Variants in SLC25A26 observed in about 807,000 individuals in gnomAD.
SLC25A26 encodes the protein mitochondrial S-adenosylmethionine carrier protein.
A neutral mutation model predicts 37.8 loss-of-function variants in SLC25A26; 36 were observed. The observed-to-expected ratio is 0.95, with a 90% CI of 0.73 to 1.26. The LOEUF is 1.26. SLC25A26 is among the 50% of genes most tolerant of loss of function. The probability of loss-of-function intolerance (pLI) is 0.00; values close to 1 mark genes in which losing one functional copy is unlikely to be tolerated. For missense variants in SLC25A26, 390 were observed against 331.1 expected (o/e 1.18, Z -1.38); for synonymous variants, 129 against 122.5 (o/e 1.05, Z -0.35).
At chr3:66,167,241 A>T (rs780506611) in intron 1 of SLC25A26, among the ~76,000 whole-genome samples, 9 of 152,030 alleles carry the variant, frequency 5.9e-5, no homozygotes, top group African/African-American at 1.7e-4. Flanking sequence ...AAGTAGGGCC[A>T]CTTAGACTTT....
intron 2 of SLC25A26, among the ~76,000 whole-genome samples, chr3:66,241,137 A>G (rs1050868144): frequency 2.0e-5 from 3 of 146,992 alleles, no homozygotes; most frequent in South Asian, 4.2e-4. Flanking sequence ...TTTTTCCAGT[A>G]TATTTATTGA....
At position 66,378,437 on chromosome 3, in the gene SLC25A26, G is replaced by A. The variant is rs1238748300; in HGVS notation, c.*630G>A. On this transcript the variant is annotated 3_prime_UTR_variant, in exon 10 of 10. Coordinates refer to ENST00000354883, the MANE Select transcript of SLC25A26 (RefSeq NM_001379210.1). ...ATGTGTCCAGCGCCCCCTGTGGTGT[G>A]TGAGAGAAAGCAGCTGCAACTCAAG... 5 of 152,726 alleles carry A rather than the reference G, an allele frequency of 3.3e-5. No individual in the cohort carries two copies. The highest frequency in any genetic ancestry group is 1.2e-4 in the African/African-American group (5 of 41,474). The allele number at this position is 152,726 out of a possible 1,614,324, so 9.5% of individuals were successfully genotyped here. A position where few individuals can be genotyped will look rare whatever the true frequency, so the allele number is the denominator to read the frequency against.
chr3:66,342,107 AG>A (rs2107720215), intron 5 of SLC25A26, among the ~76,000 whole-genome samples: 1 of 152,294 alleles, frequency 6.6e-6, no homozygotes, highest in African/African-American at 2.4e-5. Context: ...TCATCATGCA[AG>A]AAAAAGGAGA....
intron 1 of SLC25A26, among the ~76,000 whole-genome samples, chr3:66,162,546 G>A (rs535769498): frequency 1.3e-5 from 2 of 152,256 alleles, no homozygotes; most frequent in South Asian, 4.1e-4. Flanking sequence ...GAGTCTAGAT[G>A]TGATGTAGAA....
At chr3:66,322,427 A>G (rs999737228) in intron 5 of SLC25A26, among the ~76,000 whole-genome samples, 1 of 152,188 alleles carries the variant, frequency 6.6e-6, no homozygotes, top group Admixed American at 6.5e-5. Flanking sequence ...TACAGTTTCA[A>G]TCTCATTACA....
chr3:66,273,399 C>T (rs889234937), intron 5 of SLC25A26, among the ~76,000 whole-genome samples: 4 of 152,010 alleles, frequency 2.6e-5, no homozygotes, highest in African/African-American at 7.2e-5. Flanking sequence ...TGGTAGAATT[C>T]GGCTGTGAAT....
At chr3:66,139,461 A>C (rs765065193) in intron 1 of SLC25A26, among the ~76,000 whole-genome samples, 1 of 152,064 alleles carries the variant, frequency 6.6e-6, no homozygotes, top group East Asian at 1.9e-4. Flanking sequence ...GCTCCCCCCT[A>C]TCAGGAGATA....
intron 3 of SLC25A26, 142 bp from the exon 4 acceptor site, chr3:66,261,909 T>TAAA: frequency 5.6e-6 from 3 of 537,034 alleles, no homozygotes; most frequent in Non-Finnish European, 9.9e-6. Flanking sequence ...AGTTTTAGGT[T>TAAA]AAAAAAAAAA....
At chr3:66,193,914 T>G (rs2070993420) in intron 1 of SLC25A26, among the ~76,000 whole-genome samples, 1 of 152,212 alleles carries the variant, frequency 6.6e-6, no homozygotes, top group Non-Finnish European at 1.5e-5. Flanking sequence ...AGTCTCTAAT[T>G]CAATTTAGGA....
chr3:66,220,224 G>A (rs1400717627), upstream of SLC25A26, among the ~76,000 whole-genome samples: 1 of 152,198 alleles, frequency 6.6e-6, no homozygotes, highest in Non-Finnish European at 1.5e-5. Flanking sequence ...GAGGACACTA[G>A]TGTTGCTGAC....
intron 6 of SLC25A26, among the ~76,000 whole-genome samples, chr3:66,350,807 C>CT (rs1200431895): frequency 6.6e-6 from 1 of 152,058 alleles, no homozygotes; most frequent in Non-Finnish European, 1.5e-5. Context: ...ATGTTCTCCC[C>CT]TTCTCTGTTC....
At chr3:66,249,336 C>T (rs1448043430) in intron 3 of SLC25A26, among the ~76,000 whole-genome samples, 2 of 152,200 alleles carry the variant, frequency 1.3e-5, no homozygotes, top group Non-Finnish European at 2.9e-5. Context: ...ACAGTCCATT[C>T]CAGGGTCTCC....
At chr3:66,245,945 C>T (rs911520841) in intron 3 of SLC25A26, among the ~76,000 whole-genome samples, 40 of 152,302 alleles carry the variant, frequency 2.6e-4, no homozygotes, top group South Asian at 2.1e-3. Context: ...GAAGCTCTTA[C>T]CCATTGCAGT....
chr3:66,261,402 TA>T (rs1429655811), intron 3 of SLC25A26, among the ~76,000 whole-genome samples: 1 of 152,172 alleles, frequency 6.6e-6, no homozygotes, highest in East Asian at 1.9e-4. Context: ...TAGGGTAAGG[TA>T]AAATCCTGGC....
chr3:66,334,189 C>G (rs1397022052), intron 5 of SLC25A26, among the ~76,000 whole-genome samples: 1 of 152,208 alleles, frequency 6.6e-6, no homozygotes, highest in African/African-American at 2.4e-5. Flanking sequence ...TGATACTTCC[C>G]TGTCTGTTGC....
intron 9 of SLC25A26, among the ~76,000 whole-genome samples, chr3:66,373,280 G>A (rs977468628): frequency 6.6e-5 from 10 of 152,152 alleles, no homozygotes; most frequent in Admixed American, 3.9e-4. Context: ...ACTAGAACAC[G>A]CTCCTGCTCA....
At chr3:66,246,700 C>T (rs2072858831) in intron 3 of SLC25A26, among the ~76,000 whole-genome samples, 1 of 152,008 alleles carries the variant, frequency 6.6e-6, no homozygotes, top group African/African-American at 2.4e-5. Context: ...TTCTGTGGTC[C>T]CTGAGCTGGT....
rs992739478 is a variant in SLC25A26, at chr3:66,232,917, G to A, written c.34-3627G>A. ...GAATGGGAAGTGGGGAAGACGACAGGTATGTCAGAAAGCAGAGGTGGCAGT... is the reference window on the plus strand; with the variant it reads ...GAATGGGAAGTGGGGAAGACGACAGATATGTCAGAAAGCAGAGGTGGCAGT... On this transcript the variant is annotated intron_variant, in intron 1 of 9. Transcript: ENST00000354883. Among the ~76,000 whole-genome samples the A allele has an allele frequency of 3.9e-5, 6 of 152,252 alleles. No homozygotes were observed. In the South Asian group the frequency reaches 8.3e-4, roughly 21 times the overall value.
chr3:66,369,513 GTGGCAAAGACAAGAATTACGC>G lies in SLC25A26; in HGVS notation c.613_633del (p.Thr205_Lys211del). 6.2e-7 allele frequency: 1 copy of G among 1,604,432 alleles called. No individual in the cohort carries two copies. The highest frequency in any genetic ancestry group is 8.5e-7 in the Non-Finnish European group (1 of 1,175,550). The stretch of plus-strand genomic sequence containing the variant: ...CGCTGCAGTCACCACCCCTCTAGAC[GTGGCAAAGACAAGAATTACGC>G]TGGCAAAGGTAAGTGGTGAAATAAT... On this transcript the variant is annotated inframe_deletion, in exon 8 of 10. Transcript: ENST00000354883.
Sources: gnomAD v4.1 joint callset for allele counts (sites outside exome capture counted in the v4.1 genomes callset) on GRCh38, gnomAD v4.1.1 for gene constraint, MANE v1.5 for transcripts, NCBI Gene and HGNC (gene_info 2026-07-23, HGNC 2026-07-21) for gene names.